TINCR: variants seen among roughly 807,000 people sequenced by gnomAD.
TINCR encodes the protein TINCR-encoded ubiquitin-like protein.
downstream of TINCR, chr19:5,561,802 A>G (rs2052103110): frequency 6.6e-6 from 1 of 152,122 alleles, no homozygotes; most frequent in Non-Finnish European, 1.5e-5. Flanking sequence ...TCAATCCTTT[A>G]TTGTAAGGAG....
intron 1 of TINCR, among the ~76,000 whole-genome samples, chr19:5,567,259 A>G (rs973190709): frequency 1.3e-5 from 2 of 152,082 alleles, no homozygotes; most frequent in African/African-American, 4.8e-5. Context: ...AGAGACACAG[A>G]CAAAAGAGAG....
downstream of TINCR, chr19:5,559,334 CTTT>C (rs139980198): frequency 1.5e-3 from 203 of 131,792 alleles, 1 homozygote; most frequent in Admixed American, 1.4e-3. Context: ...GGCTGTCAAT[CTTT>C]TTTTTTTTTT....
downstream of TINCR, chr19:5,559,208 C>A (rs1040593099): frequency 6.6e-6 from 1 of 152,246 alleles, no homozygotes; most frequent in African/African-American, 2.4e-5. Context: ...CCCTTCCCCA[C>A]TTCCTCCACC....
In TINCR at chr19:5,563,254, G is replaced by A. The variant is rs1311175478; in HGVS notation, c.261-305C>T. 1.3e-5 allele frequency among the ~76,000 whole-genome samples: 2 copies of A among 152,162 alleles called. No individual in the cohort carries two copies. Among genetic ancestry groups the A allele is most frequent in the African/African-American group, 4.8e-5 (2 of 41,518 alleles). ...AGGAGGGACACGCCCCGACTCAGGGGCTCACAGGCGCCCTCTGGCACCTGC... is the reference window on the plus strand; with the variant it reads ...AGGAGGGACACGCCCCGACTCAGGGACTCACAGGCGCCCTCTGGCACCTGC... On this transcript the variant is annotated intron_variant, in intron 1 of 1. Coordinates refer to ENST00000646160, the Ensembl canonical transcript of TINCR. The surrounding 1 kb of genome is among the most constrained non-coding windows in gnomAD (Gnocchi z 4.7).
At chr19:5,559,661 C>T (rs934731610), downstream of TINCR, 3 of 152,072 alleles carry the variant, frequency 2.0e-5, no homozygotes, top group Admixed American at 1.3e-4. Flanking sequence ...AGACAGGGCT[C>T]CAAAAAGATG....
chr19:5,564,322 C>G (rs2145288721), intron 1 of TINCR, among the ~76,000 whole-genome samples: 1 of 152,348 alleles, frequency 6.6e-6, no homozygotes, highest in East Asian at 1.9e-4. Context: ...GCTGCACCAT[C>G]CACTAGTAGC....
intron 1 of TINCR, 118 bp downstream of exon 1, chr19:5,567,547 C>G (rs757373413): frequency 3.2e-5 from 12 of 369,246 alleles, no homozygotes; most frequent in Non-Finnish European, 4.8e-5. Context: ...GCGGGCAGCG[C>G]GAGGTGGGAA....
downstream of TINCR, chr19:5,562,091 G>A (rs1332050338): frequency 6.6e-6 from 1 of 152,644 alleles, no homozygotes; most frequent in Non-Finnish European, 1.5e-5. This position sits in a 1 kb window ranked among gnomAD's most constrained non-coding sequence, Gnocchi z 4.4. Context: ...CCTGGAGTGA[G>A]ATCTAGGCTC....
intron 1 of TINCR, among the ~76,000 whole-genome samples, chr19:5,567,346 GAC>G (rs2052135715): frequency 6.6e-6 from 1 of 151,618 alleles, no homozygotes; most frequent in Non-Finnish European, 1.5e-5. Context: ...AGAGATGAGA[GAC>G]AGAGACAAAA....
downstream of TINCR, chr19:5,561,645 A>C (rs2052102507): frequency 6.6e-6 from 1 of 152,132 alleles, no homozygotes; most frequent in Admixed American, 6.6e-5. Flanking sequence ...CTCTGTCGCC[A>C]GGCTGGAGTG....
rs780156481 is a variant in TINCR, at chr19:5,565,061, C to A, written c.261-2112G>T. Among the ~76,000 whole-genome samples the A allele has an allele frequency of 1.5e-4, 23 of 152,156 alleles. No individual in the cohort carries two copies. Among genetic ancestry groups the A allele is most frequent in the Non-Finnish European group, 2.6e-4 (18 of 68,020 alleles). On this transcript the variant is annotated intron_variant, in intron 1 of 1. Coordinates refer to ENST00000646160, the Ensembl canonical transcript of TINCR. The surrounding 1 kb of genome is among the most constrained non-coding windows in gnomAD (Gnocchi z 4.0). ...TCTGCCCACAGCCCTCTATGGCTCC[C>A]ACCTCCCTCGGAGTCAAGGCCCAAG...
At chr19:5,567,605 G>T (rs1197649159) in intron 1 of TINCR, 60 bp downstream of exon 1, 3 of 372,464 alleles carry the variant, frequency 8.1e-6, no homozygotes, top group Non-Finnish European at 1.4e-5. Context: ...CTCCCCCGCC[G>T]CTCTCCAGGG....
exon 1 of TINCR, chr19:5,567,795 G>A: frequency 2.5e-6 from 1 of 394,386 alleles, no homozygotes; most frequent in Non-Finnish European, 4.5e-6. Flanking sequence ...TGGCCCACCA[G>A]CTGGGCGCGC....
At chr19:5,566,633 AAG>A (rs1335991787) in intron 1 of TINCR, among the ~76,000 whole-genome samples, 1 of 151,796 alleles carries the variant, frequency 6.6e-6, no homozygotes. Context: ...CAAATGGACA[AAG>A]AGACAGAGAG....
rs553312524 is a variant in TINCR at position 5,563,839 on chromosome 19, C to T, written c.261-890G>A. Among the ~76,000 whole-genome samples, 6 of 152,176 alleles carry T rather than the reference C, an allele frequency of 3.9e-5. No individual in the cohort carries two copies. The highest frequency in any genetic ancestry group is 1.9e-4 in the East Asian group (1 of 5,172). ...CTGAGGCAGGAGAATCGCTTGAACC[C>T]GGGAGGCAGAGGTTGCAGTGAGCCG... On this transcript the variant is annotated intron_variant, in intron 1 of 1. Coordinates refer to ENST00000646160, the Ensembl canonical transcript of TINCR. This position sits in a 1 kb window ranked among gnomAD's most constrained non-coding sequence, Gnocchi z 4.7.
At position 5,563,507 on chromosome 19, in the gene TINCR, GAGA is replaced by G. The variant is rs960132409; in HGVS notation, c.261-561_261-559del. Among the ~76,000 whole-genome samples the G allele has an allele frequency of 1.3e-5, 2 of 152,196 alleles. No homozygotes were observed. The highest frequency in any genetic ancestry group is 2.9e-5 in the Non-Finnish European group (2 of 68,036). Reference sequence around the variant, plus strand: ...CAACTGTTCCCACTAATGGAGCAGGGAGAAGGTTTAGTGATGAAGGGCGTGGCT... The same window carrying G: ...CAACTGTTCCCACTAATGGAGCAGGGAGGTTTAGTGATGAAGGGCGTGGCT... On this transcript the variant is annotated intron_variant, in intron 1 of 1. Transcript: ENST00000646160. This position sits in a 1 kb window ranked among gnomAD's most constrained non-coding sequence, Gnocchi z 4.7.
At position 5,562,664 on chromosome 19, in the gene TINCR, T is replaced by A. The variant is rs1373062161; in HGVS notation, c.*183A>T. 1 of 152,148 alleles carries A rather than the reference T, an allele frequency of 6.6e-6. No individual in the cohort carries two copies. The highest frequency in any genetic ancestry group is 1.5e-5 in the Non-Finnish European group (1 of 68,032). The allele number at this position is 152,148 out of a possible 1,614,324, so 9.4% of individuals were successfully genotyped here. A position where few individuals can be genotyped will look rare whatever the true frequency, so the allele number is the denominator to read the frequency against. Reference sequence around the variant, plus strand: ...GTGAAATAAAATTTTATTATTTATTTCTTTAGAGACGGAGTTTCACCCTGT... The same window carrying A: ...GTGAAATAAAATTTTATTATTTATTACTTTAGAGACGGAGTTTCACCCTGT... On this transcript the variant is annotated 3_prime_UTR_variant, in exon 2 of 2. Coordinates refer to ENST00000646160, the Ensembl canonical transcript of TINCR. The surrounding 1 kb of genome is among the most constrained non-coding windows in gnomAD (Gnocchi z 4.4).
At chr19:5,566,546 C>T (rs1212867713) in intron 1 of TINCR, among the ~76,000 whole-genome samples, 2 of 148,348 alleles carry the variant, frequency 1.3e-5, no homozygotes, top group African/African-American at 2.5e-5. Flanking sequence ...GAGATGCGCG[C>T]ACACACAGAC....
At chr19:5,561,492 T>C (rs2052101827), downstream of TINCR, 1 of 152,494 alleles carries the variant, frequency 6.6e-6, no homozygotes, top group African/African-American at 2.4e-5. Flanking sequence ...CCTTTCCTTT[T>C]ACCTAACATC....
Sources: allele counts gnomAD v4.1 joint callset (sites outside exome capture counted in the v4.1 genomes callset), GRCh38; gene constraint gnomAD v4.1.1; non-coding constraint Gnocchi (gnomAD v3.1); transcripts MANE v1.5; gene names NCBI Gene and HGNC (gene_info 2026-07-23, HGNC 2026-07-21).